EIF3K: variants seen among roughly 807,000 people sequenced by gnomAD.
The protein encoded by EIF3K is eukaryotic translation initiation factor 3 subunit K.
Under a neutral mutation model 34.2 loss-of-function variants are expected in EIF3K, and 27 were observed. The observed-to-expected ratio is 0.79, with a 90% CI of 0.58 to 1.09. The LOEUF (loss-of-function observed/expected upper bound fraction) is 1.09, where lower values mean the gene tolerates loss of function less well. EIF3K is among the 50% of genes least tolerant of loss of function. The pLI is 0.00. For synonymous variants in EIF3K, 105 were observed against 105.7 expected (o/e 0.99, Z 0.04); for missense variants, 232 against 275.4 (o/e 0.84, Z 1.11).
At chr19:38,632,702 C>T in intron 6 of EIF3K, 24 bp downstream of exon 6, 1 of 1,597,096 alleles carries the variant, frequency 6.3e-7, no homozygotes, top group Non-Finnish European at 8.5e-7. Flanking sequence ...GGTCCTGGTG[C>T]ACATCTGGGA....
At position 38,635,028 on chromosome 19, in the gene EIF3K, TG is replaced by T. The variant is rs1351656304; in HGVS notation, c.537del (p.Trp179Ter). ...AAAGGTGTGGATGAGCAAATACGGCTGGAGTGCCGACGAGTCGGGGCAGATC... is the reference window on the plus strand; with the variant it reads ...AAAGGTGTGGATGAGCAAATACGGCTGAGTGCCGACGAGTCGGGGCAGATC... ...QLKVWMSKYG[W>X]SADESGQIFI... On this transcript the variant is annotated frameshift_variant, in exon 7 of 8. Coordinates refer to ENST00000248342, the MANE Select transcript of EIF3K (RefSeq NM_013234.4). LOFTEE classifies it high-confidence loss of function. The T allele has an allele frequency of 6.2e-7, 1 of 1,614,036 alleles. No individual in the cohort carries two copies. Among genetic ancestry groups the T allele is most frequent in the Non-Finnish European group, 8.5e-7 (1 of 1,180,048 alleles).
chr19:38,624,887 C>T (rs1289081501), intron 3 of EIF3K, among the ~76,000 whole-genome samples: 1 of 152,192 alleles, frequency 6.6e-6, no homozygotes, highest in East Asian at 1.9e-4. Context: ...TGTTACCTCC[C>T]AGGAAGGATG....
intron 1 of EIF3K, among the ~76,000 whole-genome samples, 166 bp from the exon 2 acceptor site, chr19:38,620,171 T>C (rs1476463870): frequency 1.3e-5 from 2 of 152,166 alleles, no homozygotes; most frequent in African/African-American, 4.8e-5. Flanking sequence ...TAAGTTTTAC[T>C]AGAGATTATA....
At chr19:38,626,940 AC>A (rs1423155609) in intron 4 of EIF3K, among the ~76,000 whole-genome samples, 2 of 152,068 alleles carry the variant, frequency 1.3e-5, no homozygotes, top group Non-Finnish European at 2.9e-5. Flanking sequence ...AGCTAGTACT[AC>A]AGGCACACGC....
chr19:38,620,377 G>A lies in EIF3K; in HGVS notation c.100G>A (p.Glu34Lys), dbSNP rs541226358. ...ENLATLERYV[E>K]TQAKENAYDL... The stretch of plus-strand genomic sequence containing the variant: ...CCTGGCCACCCTGGAGCGCTATGTA[G>A]AGACGCAGGCCAAGGAAAATGCCTA... The change falls in exon 2 of 8, where the codon GAG becomes AAG. Residue 34 changes from glutamate (E) to lysine (K), a missense_variant. Transcript: ENST00000248342. 6.2e-7 allele frequency: 1 copy of A among 1,614,052 alleles called. No individual in the cohort carries two copies. The highest frequency in any genetic ancestry group is 2.2e-5 in the East Asian group (1 of 44,884).
chr19:38,625,619 C>G (rs915301375), intron 3 of EIF3K, among the ~76,000 whole-genome samples: 10 of 151,526 alleles, frequency 6.6e-5, no homozygotes, highest in Non-Finnish European at 1.5e-4. Context: ...AAGTGATTCT[C>G]CTGCCTCAGC....
Position 38,633,447 on chromosome 19 carries a change from C to T in EIF3K, c.499+769C>T, listed in dbSNP as rs546804590. On this transcript the variant is annotated intron_variant, in intron 6 of 7. Coordinates refer to ENST00000248342, the MANE Select transcript of EIF3K (RefSeq NM_013234.4). ...GGTGCGGTGGCTCCCGCCTGTAATC[C>T]AGCACTTTGGGAGGCCGAGGTGGGC... Among the ~76,000 whole-genome samples the T allele has an allele frequency of 3.9e-5, 6 of 152,064 alleles. No homozygotes were observed. The East Asian group carries it at 9.7e-4, about 24-fold the overall frequency.
intron 3 of EIF3K, among the ~76,000 whole-genome samples, 171 bp downstream of exon 3, chr19:38,624,368 T>C (rs1261808861): frequency 6.6e-6 from 1 of 152,148 alleles, no homozygotes; most frequent in Non-Finnish European, 1.5e-5. Context: ...GAGACAGTCC[T>C]GGGCCCTGTC....
chr19:38,628,167 G>T (rs1017240679), intron 4 of EIF3K, among the ~76,000 whole-genome samples: 1 of 152,062 alleles, frequency 6.6e-6, no homozygotes. Context: ...GCCTTCCAAA[G>T]TGCTGGGACT....
chr19:38,631,236 G>T (rs1213846834), intron 4 of EIF3K, among the ~76,000 whole-genome samples: 2 of 152,196 alleles, frequency 1.3e-5, no homozygotes, highest in African/African-American at 4.8e-5. Flanking sequence ...TAGAGAAAGA[G>T]AAAAGGGGGC....
At chr19:38,624,805 C>T (rs937980275) in intron 3 of EIF3K, among the ~76,000 whole-genome samples, 1 of 151,914 alleles carries the variant, frequency 6.6e-6, no homozygotes, top group Admixed American at 6.6e-5. Context: ...GACATGAACA[C>T]AGCCATCTGT....
At chr19:38,628,381 T>C (rs569308443) in intron 4 of EIF3K, 2 of 152,418 alleles carry the variant, frequency 1.3e-5, no homozygotes, top group Admixed American at 6.5e-5. Context: ...CTCCTCCCTC[T>C]GTGAGTTTCC....
intron 1 of EIF3K, 120 bp downstream of exon 1, chr19:38,619,447 C>T (rs1034705458): frequency 9.0e-6 from 10 of 1,111,336 alleles, no homozygotes; most frequent in Non-Finnish European, 1.2e-5. Context: ...CTCTATCCTC[C>T]TGGAGGAGGA....
At chr19:38,624,021 G>A (rs1975896506) in intron 2 of EIF3K, 56 bp from the exon 3 acceptor site, 8 of 1,611,266 alleles carry the variant, frequency 5.0e-6, no homozygotes, top group Admixed American at 1.7e-5. Context: ...GGCACCTGGT[G>A]AGGATTGGGG....
intron 3 of EIF3K, among the ~76,000 whole-genome samples, chr19:38,625,645 G>A (rs1036313608): frequency 6.0e-5 from 9 of 150,824 alleles, no homozygotes; most frequent in African/African-American, 2.2e-4. Flanking sequence ...AAGTAGCTGG[G>A]ACTATAGGCA....
intron 2 of EIF3K, among the ~76,000 whole-genome samples, chr19:38,623,448 C>T (rs1342716952): frequency 1.3e-5 from 2 of 152,118 alleles, no homozygotes; most frequent in African/African-American, 4.8e-5. Context: ...GGATTACAGG[C>T]GTGAGCCACT....
At chr19:38,632,994 G>T (rs1160051658) in intron 6 of EIF3K, 2 of 306,070 alleles carry the variant, frequency 6.5e-6, no homozygotes, top group Non-Finnish European at 1.2e-5. Flanking sequence ...CGACATGGAG[G>T]TGTCCAGTGG....
chr19:38,631,700 G>A lies in EIF3K; in HGVS notation c.355-730G>A, dbSNP rs1048796668. The stretch of plus-strand genomic sequence containing the variant: ...ACCCTTTACGGGTGTCGGGCTGGGG[G>A]ACTGTCAGGTCTTTCCCTTCCCACG... On this transcript the variant is annotated intron_variant, in intron 4 of 7. Coordinates refer to ENST00000248342, the MANE Select transcript of EIF3K (RefSeq NM_013234.4). Among the ~76,000 whole-genome samples, 7 of 152,264 alleles carry A rather than the reference G, an allele frequency of 4.6e-5. No homozygotes were observed. The East Asian group carries it at 1.3e-3, about 29-fold the overall frequency.
At position 38,624,094 on chromosome 19, in the gene EIF3K, C is replaced by T; in HGVS notation, c.176C>T (p.Ala59Val). The T allele has an allele frequency of 1.2e-6, 2 of 1,614,164 alleles. No individual in the cohort carries two copies. Among genetic ancestry groups the T allele is most frequent in the Non-Finnish European group, 1.7e-6 (2 of 1,180,018 alleles). Residue 59 changes from alanine to valine, a missense_variant, in exon 3 of 8, where the codon GCC becomes GTC. By Grantham distance (64) the Ala-to-Val change is moderately conservative (BLOSUM62 0). Transcript: ENST00000248342. ...AVLKLYQFNPAFFQTTVTAQI... is the reference protein window; with the variant it reads ...AVLKLYQFNPVFFQTTVTAQI... ...TTTCTTAGGTACCAGTTCAACCCAG[C>T]CTTCTTTCAGACCACGGTCACCGCC... is the stretch of plus-strand genomic sequence containing the variant.
Sources: allele counts gnomAD v4.1 joint callset (sites outside exome capture counted in the v4.1 genomes callset), GRCh38; gene constraint gnomAD v4.1.1; transcripts MANE v1.5; gene names NCBI Gene and HGNC (gene_info 2026-07-23, HGNC 2026-07-21).